EPAS1: variants seen among roughly 807,000 people sequenced by gnomAD.
EPAS1 encodes endothelial PAS domain protein 1, also known as endothelial PAS domain-containing protein 1.
Under a neutral mutation model 87.9 loss-of-function variants are expected in EPAS1, and 23 were observed. That is an observed-to-expected ratio of 0.26 (90% confidence interval 0.19 to 0.37). The LOEUF is 0.37. Among genes scored for constraint, EPAS1 ranks in the 10% least tolerant of loss-of-function variants. EPAS1 has a pLI of 1.00. For missense variants in EPAS1, 1,138 were observed against 1,120.7 expected (o/e 1.02, Z -0.22); for synonymous variants, 508 against 444.3 (o/e 1.14, Z -1.80).
At chr2:46,362,107 G>A (rs1037904402) in intron 6 of EPAS1, among the ~76,000 whole-genome samples, 1 of 152,232 alleles carries the variant, frequency 6.6e-6, no homozygotes, top group Non-Finnish European at 1.5e-5. Flanking sequence ...CTCCCTGCCT[G>A]ACCTCAGCTT....
Position 46,356,142 on chromosome 2 carries a change from C to CA in EPAS1, c.218-9_218-8insA, listed in dbSNP as rs35508970. 796 of 1,375,738 alleles carry CA rather than the reference C, an allele frequency of 5.8e-4. No homozygotes were observed. Among genetic ancestry groups the CA allele is most frequent in the Non-Finnish European group, 6.9e-4 (666 of 969,724 alleles). 85.2% of individuals were successfully genotyped at this position (1,375,738 alleles called of 1,614,324 possible). A position where few individuals can be genotyped will look rare whatever the true frequency, so the allele number is the denominator to read the frequency against. On this transcript the variant is annotated splice_polypyrimidine_tract_variant and intron_variant, in intron 2 of 15. Coordinates refer to ENST00000263734, the MANE Select transcript of EPAS1 (RefSeq NM_001430.5). ...TCATGCAAGCTGTCCCACCCCCCCC[C>CA]CTTTCCAGTTTGCTCTGAAAACGAG...
Position 46,319,118 on chromosome 2 carries a change from C to G in EPAS1, c.26+21181C>G, listed in dbSNP as rs184709773. On this transcript the variant is annotated intron_variant, in intron 1 of 15. Transcript: ENST00000263734. ...TGACCAGTGTGTTAGCTATGGTGCC[C>G]CAGAAATAGCTGCAAAATAAAAGGT... Among the ~76,000 whole-genome samples, 1,403 of 152,266 alleles carry G rather than the reference C, an allele frequency of 9.2e-3. 11 individuals carry two copies. The highest frequency in any genetic ancestry group is 0.014 in the Non-Finnish European group (953 of 68,014).
At chr2:46,379,886 G>C (rs1351783153) in intron 11 of EPAS1, 1 of 417,456 alleles carries the variant, frequency 2.4e-6, no homozygotes, top group African/African-American at 2.0e-5. Context: ...ACCACCACAG[G>C]CTGGAGTAGG....
chr2:46,340,817 A>T (rs1007533454), intron 1 of EPAS1, among the ~76,000 whole-genome samples: 1 of 152,162 alleles, frequency 6.6e-6, no homozygotes, highest in Non-Finnish European at 1.5e-5. Context: ...TCGAGCTCCC[A>T]GGTCAAGGGA....
chr2:46,363,257 C>G lies in EPAS1; in HGVS notation c.779+2167C>G, dbSNP rs79675432. ...GGCTCAAGCCGACGTAGCCATATAG[C>G]CTGGGAGCATATATAGTGCTGGGGA... On this transcript the variant is annotated intron_variant, in intron 6 of 15. Coordinates refer to ENST00000263734, the MANE Select transcript of EPAS1 (RefSeq NM_001430.5). 5.8e-3 allele frequency among the ~76,000 whole-genome samples: 885 copies of G among 152,228 alleles called. 2 individuals are homozygous for G. The highest frequency in any genetic ancestry group is 8.8e-3 in the Non-Finnish European group (601 of 68,016).
Position 46,384,512 on chromosome 2 carries a change from T to C in EPAS1, c.2465T>C (p.Met822Thr), listed in dbSNP as rs760246223. The C allele has an allele frequency of 5.0e-6, 8 of 1,614,208 alleles. No homozygotes were observed. The highest frequency in any genetic ancestry group is 6.8e-6 in the Non-Finnish European group (8 of 1,180,040). The change falls in exon 16 of 16, where the codon ATG (methionine) becomes ACG (threonine). Residue 822 changes from methionine to threonine, a missense_variant. Physicochemically the swap from Met to Thr is moderately conservative, Grantham distance 81 (BLOSUM62 -1). Transcript: ENST00000263734. Reference protein sequence around the residue: ...SLSSAHKVSGMASRLLGPSFE... With the variant: ...SLSSAHKVSGTASRLLGPSFE... ...ATGGTACCAACCCTTCTTTCAGGCA[T>C]GGCAAGCCGGCTGCTCGGGCCCTCA...
chr2:46,320,935 A>T (rs368301783), intron 1 of EPAS1, among the ~76,000 whole-genome samples: 2 of 152,220 alleles, frequency 1.3e-5, no homozygotes, highest in African/African-American at 4.8e-5. Flanking sequence ...CTGCAATTCA[A>T]TGGCATTAAG....
chr2:46,379,118 C>T (rs967980172), intron 11 of EPAS1, among the ~76,000 whole-genome samples: 1 of 152,176 alleles, frequency 6.6e-6, no homozygotes, highest in Admixed American at 6.5e-5. Context: ...GACAATTAAT[C>T]CCTTTATAAA....
intron 13 of EPAS1, 76 bp from the exon 14 acceptor site, chr2:46,381,899 G>GA: frequency 1.5e-6 from 2 of 1,346,826 alleles, no homozygotes; most frequent in Non-Finnish European, 1.0e-6. Flanking sequence ...CCTGTTCCAG[G>GA]CCCACCCAAC....
chr2:46,298,046 G>C (rs1682921263), intron 1 of EPAS1, 109 bp downstream of exon 1: 3 of 1,379,384 alleles, frequency 2.2e-6, no homozygotes, highest in Non-Finnish European at 3.0e-6. Flanking sequence ...GAGGTCTTCG[G>C]AGCTCGAGGC....
In EPAS1 at chr2:46,380,745, G is replaced by A. The variant is rs766046106; in HGVS notation, c.2045+28G>A. The A allele has an allele frequency of 2.5e-6, 4 of 1,604,028 alleles. No homozygotes were observed. The East Asian group carries it at 6.7e-5, about 27-fold the overall frequency. ...AAGTGGCAGATACTCAGCTGTACCA[G>A]CAGGGCCGAACCGAGAGGCACCCAC... On this transcript the variant is annotated intron_variant, in intron 12 of 15. Transcript: ENST00000263734. This position sits in a 1 kb window ranked among gnomAD's most constrained non-coding sequence, Gnocchi z 4.4.
chr2:46,344,520 G>C (rs952724908), intron 1 of EPAS1, among the ~76,000 whole-genome samples: 1 of 152,192 alleles, frequency 6.6e-6, no homozygotes, highest in South Asian at 2.1e-4. Flanking sequence ...TCAGCATCCT[G>C]CCCTCTTCCC....
In EPAS1 at chr2:46,380,088, C is replaced by G; in HGVS notation, c.1555-139C>G. On this transcript the variant is annotated intron_variant, in intron 11 of 15. Transcript: ENST00000263734. The surrounding 1 kb of genome is among the most constrained non-coding windows in gnomAD (Gnocchi z 4.4). ...AAGTCTGAGGTTTTCCTGATAGGCC[C>G]TCGGGAGCCAGTGGAGGCGTTTGAG... 1 of 1,415,944 alleles carries G rather than the reference C, an allele frequency of 7.1e-7. No individual in the cohort carries two copies. The allele number at this position is 1,415,944 out of a possible 1,614,324, so 87.7% of individuals were successfully genotyped here.
rs187543960 is a variant in EPAS1 at position 46,376,533 on chromosome 2, C to A, written c.1035-6C>A. On this transcript the variant is annotated splice_region_variant and splice_polypyrimidine_tract_variant and intron_variant, in intron 8 of 15. Transcript: ENST00000263734. ...AAAGTCTGAATGGCTCTTTCCCCCC[C>A]ATTAGTGAGATTGAGAAGAATGACG... 10 of 1,613,808 alleles carry A rather than the reference C, an allele frequency of 6.2e-6. No individual in the cohort carries two copies. The highest frequency in any genetic ancestry group is 2.2e-5 in the East Asian group (1 of 44,884).
chr2:46,309,069 T>C (rs1379744907), intron 1 of EPAS1, among the ~76,000 whole-genome samples: 1 of 152,202 alleles, frequency 6.6e-6, no homozygotes, highest in Admixed American at 6.5e-5. Flanking sequence ...AGAATAGAGG[T>C]CTCTTGAGGT....
In EPAS1 at chr2:46,347,175, T is replaced by C. The variant is rs1684048671; in HGVS notation, c.217+112T>C. On this transcript the variant is annotated intron_variant, in intron 2 of 15. Transcript: ENST00000263734. This position sits in a 1 kb window ranked among gnomAD's most constrained non-coding sequence, Gnocchi z 4.2. ...CTGGAAAGTCACCCCACTACAGAAC[T>C]TTCACCCACAGAAACACCATCATGA... The C allele has an allele frequency of 1.7e-6, 2 of 1,172,050 alleles. No homozygotes were observed. Among genetic ancestry groups the C allele is most frequent in the Non-Finnish European group, 2.5e-6 (2 of 786,566 alleles). 72.6% of individuals were successfully genotyped at this position (1,172,050 alleles called of 1,614,324 possible).
At chr2:46,368,619 A>G (rs557452922) in intron 6 of EPAS1, among the ~76,000 whole-genome samples, 1 of 152,326 alleles carries the variant, frequency 6.6e-6, no homozygotes, top group African/African-American at 2.4e-5. Flanking sequence ...GAGCAGAGAC[A>G]GGAAATGAGG....
rs3088359 is a variant in EPAS1, at chr2:46,375,112, G to A, written c.887-578G>A. Among the ~76,000 whole-genome samples the A allele has an allele frequency of 0.53, 79,461 of 150,262 alleles. 21,502 individuals carry two copies. The highest frequency in any genetic ancestry group is 0.58 in the African/African-American group (23,645 of 40,940). The stretch of plus-strand genomic sequence containing the variant: ...TGGCAAGCCTGACAGATGACCTGGA[G>A]AAATCAAGGATATCAATGTTTTAAA... On this transcript the variant is annotated intron_variant, in intron 7 of 15. Coordinates refer to ENST00000263734, the MANE Select transcript of EPAS1 (RefSeq NM_001430.5). The surrounding 1 kb of genome is among the most constrained non-coding windows in gnomAD (Gnocchi z 4.1).
At chr2:46,325,025 G>GA (rs1439100876) in intron 1 of EPAS1, among the ~76,000 whole-genome samples, 1 of 152,176 alleles carries the variant, frequency 6.6e-6, no homozygotes, top group Non-Finnish European at 1.5e-5. Flanking sequence ...CGAAAGAGAA[G>GA]AAAAAAGGTC....
Sources: allele counts gnomAD v4.1 joint callset (sites outside exome capture counted in the v4.1 genomes callset), GRCh38; gene constraint gnomAD v4.1.1; non-coding constraint Gnocchi (gnomAD v3.1); transcripts MANE v1.5; gene names NCBI Gene and HGNC (gene_info 2026-07-23, HGNC 2026-07-21).